Variants in ZNF845 observed in about 807,000 individuals in gnomAD.
The protein encoded by ZNF845 is zinc finger protein 845.
A neutral mutation model predicts 76.1 loss-of-function variants in ZNF845; 59 were observed. The observed-to-expected ratio is 0.78, with a 90% CI of 0.63 to 0.96. ZNF845 has a LOEUF of 0.96. ZNF845 is among the 40% of genes least tolerant of loss of function. The probability of loss-of-function intolerance (pLI) is 0.00; values close to 1 mark genes in which losing one functional copy is unlikely to be tolerated. For synonymous variants in ZNF845, 361 were observed against 386.9 expected, an observed-to-expected ratio of 0.93 and a Z score of 0.78; for missense variants, 1,045 against 1,172.8, an observed-to-expected ratio of 0.89 and a Z score of 1.59.
chr19:53,336,633 C>CTTTTTTTTTTTT (rs398035035), intron 1 of ZNF845, among the ~76,000 whole-genome samples: 362 of 92,202 alleles, frequency 3.9e-3, no homozygotes, highest in East Asian at 6.6e-3. Flanking sequence ...TTCTTTCTTT[C>CTTTTTTTTTTTT]TTTTTTTTTT....
chr19:53,345,005 G>A (rs532093620), intron 2 of ZNF845, among the ~76,000 whole-genome samples: 6 of 152,178 alleles, frequency 3.9e-5, no homozygotes, highest in African/African-American at 1.4e-4. Flanking sequence ...CATACTGAGA[G>A]GGTATTGTGA....
rs779740714 is a variant in ZNF845, at chr19:53,351,776, A to G, written c.1101A>G (p.Lys367=). The change falls in exon 4 of 4, where the codon AAA becomes AAG. Residue 367 remains lysine (K), a synonymous_variant. Transcript: ENST00000458035. ...CEECDKAFSF[K]SNLERHRKIH... is the part of the protein sequence containing the mutation. ...AATGTGACAAAGCTTTCAGTTTCAA[A>G]TCAAACCTTGAAAGACATAGGAAAA... The G allele has an allele frequency of 1.2e-6, 2 of 1,613,872 alleles. No individual in the cohort carries two copies. The highest frequency in any genetic ancestry group is 2.2e-5 in the South Asian group (2 of 91,068).
At position 53,352,832 on chromosome 19, in the gene ZNF845, C is replaced by A. The variant is rs755849412; in HGVS notation, c.2157C>A (p.Tyr719Ter). ...HKAIHTGEKPYKCNECGKAFS... is the reference protein window; with the variant it reads ...HKAIHTGEKP The stretch of plus-strand genomic sequence containing the variant: ...CAATTCATACTGGAGAGAAACCTTA[C>A]AAGTGTAATGAGTGTGGCAAGGCCT... The change falls in exon 4 of 4, where the codon TAC becomes TAA. Residue 719 changes from tyrosine to a stop codon, truncating the protein, a stop_gained. Transcript: ENST00000458035. LOFTEE classifies it high-confidence loss of function. The A allele has an allele frequency of 3.7e-6, 6 of 1,614,098 alleles. No homozygotes were observed. The highest frequency in any genetic ancestry group is 5.1e-6 in the Non-Finnish European group (6 of 1,180,012).
rs750934699 is a variant in ZNF845, at chr19:53,351,042, A to T, written c.367A>T (p.Thr123Ser). ...MTEIKQLTGS[T>S]NRHDQRHAGN... is the part of the protein sequence containing the mutation. ...AGAAATCAAACAGTTGACGGGTAGT[A>T]CAAACCGACATGATCAAAGGCATGC... The change falls in exon 4 of 4, where the codon ACA (threonine) becomes TCA (serine). Residue 123 changes from threonine to serine, a missense_variant. Transcript: ENST00000458035. The T allele has an allele frequency of 6.2e-7, 1 of 1,614,216 alleles. No individual in the cohort carries two copies. The highest frequency in any genetic ancestry group is 1.7e-5 in the Admixed American group (1 of 60,030).
intron 1 of ZNF845, among the ~76,000 whole-genome samples, chr19:53,335,955 A>G (rs534163332): frequency 7.5e-4 from 114 of 152,204 alleles, no homozygotes; most frequent in African/African-American, 2.4e-3. Flanking sequence ...CTGTAATCCC[A>G]GCACTTTGGG....
chr19:53,337,148 T>C (rs1354136305), intron 1 of ZNF845: 4 of 456,844 alleles, frequency 8.8e-6, no homozygotes, highest in Admixed American at 2.3e-5. Context: ...CATATTTGCT[T>C]TTCTCTTTTC....
chr19:53,346,438 T>G, intron 3 of ZNF845: 2 of 382,856 alleles, frequency 5.2e-6, no homozygotes, highest in Non-Finnish European at 1.0e-5. Context: ...CCCGGCACTT[T>G]GGGAGGCCGA....
chr19:53,334,736 C>CG (rs376782602), intron 1 of ZNF845, among the ~76,000 whole-genome samples: 4 of 114,144 alleles, frequency 3.5e-5, no homozygotes, highest in Admixed American at 2.8e-4. Context: ...CCCCCCCCCC[C>CG]ATCTCTGTCA....
At chr19:53,338,498 AG>A in intron 1 of ZNF845, among the ~76,000 whole-genome samples, 1 of 151,912 alleles carries the variant, frequency 6.6e-6, no homozygotes, top group South Asian at 2.1e-4. Context: ...CAGGGACCTG[AG>A]GGGCATGAAG....
Position 53,351,352 on chromosome 19 carries a change from A to G in ZNF845, c.677A>G (p.Tyr226Cys), listed in dbSNP as rs771838725. 4 of 1,614,120 alleles carry G rather than the reference A, an allele frequency of 2.5e-6. No homozygotes were observed. The highest frequency in any genetic ancestry group is 1.3e-5 in the African/African-American group (1 of 74,946). The change falls in exon 4 of 4, where the codon TAT becomes TGT. Residue 226 changes from tyrosine (Y) to cysteine (C), a missense_variant. By Grantham distance (194) the Tyr-to-Cys change is radical. Transcript: ENST00000458035. ...QCNESGKAFN[Y>C]SSVLRKHQII... ...AATGAGAGTGGCAAAGCCTTTAATTATAGCTCAGTCTTAAGGAAACATCAG... is the reference window on the plus strand; with the variant it reads ...AATGAGAGTGGCAAAGCCTTTAATTGTAGCTCAGTCTTAAGGAAACATCAG...
Position 53,341,245 on chromosome 19 carries a change from T to G in ZNF845, c.-63T>G. The G allele has an allele frequency of 1.9e-6, 3 of 1,603,540 alleles. No individual in the cohort carries two copies. Among genetic ancestry groups the G allele is most frequent in the Non-Finnish European group, 1.7e-6 (2 of 1,170,846 alleles). On this transcript the variant is annotated 5_prime_UTR_variant, in exon 2 of 4. The change abolishes the stop of an existing upstream ORF in the 5' untranslated region. Transcript: ENST00000458035. The stretch of plus-strand genomic sequence containing the variant: ...ATTTTTAACATTCAGGATTGACTTC[T>G]AAAGACTCTTGGTACGTGAGGAAGA...
rs751207012 is a variant in ZNF845 at position 53,351,143 on chromosome 19, C to G, written c.468C>G (p.Thr156=). 1.2e-6 allele frequency: 2 copies of G among 1,614,096 alleles called. No individual in the cohort carries two copies. Among genetic ancestry groups the G allele is most frequent in the South Asian group, 2.2e-5 (2 of 91,070 alleles). The change falls in exon 4 of 4, where the codon ACC becomes ACG. Residue 156 remains threonine, a synonymous_variant. Coordinates refer to ENST00000458035, the MANE Select transcript of ZNF845 (RefSeq NM_138374.3). ...SHLPELHMFQ[T]EGKIGNQVEK... ...TGCCTGAACTCCACATGTTTCAGAC[C>G]GAAGGGAAAATTGGTAATCAAGTTG...
chr19:53,350,347 A>G lies in ZNF845; in HGVS notation c.143-471A>G, dbSNP rs1220652965. Among the ~76,000 whole-genome samples the G allele has an allele frequency of 5.9e-5, 9 of 152,164 alleles. 1 individual carries two copies. The highest frequency in any genetic ancestry group is 4.1e-4 in the South Asian group (2 of 4,832). ...TTCTCAGTGCTATGATTGTTTGACA[A>G]TACAGAATTTCCATTGATTTTGGTT... On this transcript the variant is annotated intron_variant, in intron 3 of 3. Transcript: ENST00000458035.
chr19:53,334,885 G>A (rs796408957), intron 1 of ZNF845, among the ~76,000 whole-genome samples: 46 of 152,284 alleles, frequency 3.0e-4, no homozygotes, highest in African/African-American at 1.1e-3. Context: ...ACTCCAGCCT[G>A]GTCAACAGAG....
At chr19:53,350,607 A>C (rs2085326018) in intron 3 of ZNF845, among the ~76,000 whole-genome samples, 1 of 152,154 alleles carries the variant, frequency 6.6e-6, no homozygotes, top group Admixed American at 6.5e-5. Flanking sequence ...TTTTGACATG[A>C]TATTGGAAAT....
At position 53,355,370 on chromosome 19, in the gene ZNF845, G is replaced by C. The variant is rs768911990; in HGVS notation, c.*1782G>C. The C allele has an allele frequency of 6.6e-6, 1 of 151,810 alleles. No individual in the cohort carries two copies. The highest frequency in any genetic ancestry group is 6.6e-5 in the Admixed American group (1 of 15,244). 9.4% of individuals were successfully genotyped at this position (151,810 alleles called of 1,614,324 possible). On this transcript the variant is annotated 3_prime_UTR_variant, in exon 4 of 4. Transcript: ENST00000458035. ...CCAAGCAATTCTGTCTCAGCCTCCT[G>C]AGTAGCTGGGACTACAGGCGCATGT...
chr19:53,345,176 C>T (rs992270944), intron 2 of ZNF845, among the ~76,000 whole-genome samples: 4 of 152,006 alleles, frequency 2.6e-5, no homozygotes, highest in African/African-American at 9.7e-5. Context: ...ATTAGCCAGG[C>T]GCGGTGGCAC....
chr19:53,338,176 C>T lies in ZNF845; in HGVS notation c.-73-3059C>T, dbSNP rs139226889. ...CCTGGGGCAAGTGCAAGGATGGTCCCACATTTCTTCTGGAAATTTCAATTC... is the reference window on the plus strand; with the variant it reads ...CCTGGGGCAAGTGCAAGGATGGTCCTACATTTCTTCTGGAAATTTCAATTC... On this transcript the variant is annotated intron_variant, in intron 1 of 3. Transcript: ENST00000458035. Among the ~76,000 whole-genome samples the T allele has an allele frequency of 3.0e-3, 464 of 152,246 alleles. 8 individuals are homozygous for T. The East Asian group carries it at 0.049, about 16-fold the overall frequency.
chr19:53,335,297 G>A (rs1342024206), intron 1 of ZNF845, among the ~76,000 whole-genome samples: 1 of 152,180 alleles, frequency 6.6e-6, no homozygotes, highest in Non-Finnish European at 1.5e-5. Flanking sequence ...GTCTGGCTCT[G>A]TCGCCCAGGC....
Sources: gnomAD v4.1 joint callset for allele counts (sites outside exome capture counted in the v4.1 genomes callset) on GRCh38, gnomAD v4.1.1 for gene constraint, MANE v1.5 for transcripts, NCBI Gene and HGNC (gene_info 2026-07-23, HGNC 2026-07-21) for gene names.